The following AKAP13 variants were observed in gnomAD, a reference collection of about 807,000 sequenced individuals.
AKAP13 encodes A-kinase anchoring protein 13.
A neutral mutation model predicts 264.5 loss-of-function variants in AKAP13; 80 were observed. The observed-to-expected ratio is 0.30, with a 90% CI of 0.25 to 0.36. The LOEUF is 0.36. Among genes scored for constraint, AKAP13 ranks in the 10% least tolerant of loss-of-function variants. The pLI is 1.00. For synonymous variants in AKAP13, 1,380 were observed against 1,250.2 expected (o/e 1.10, Z -2.19); for missense variants, 3,712 against 3,435.2 (o/e 1.08, Z -2.01).
intron 1 of AKAP13, among the ~76,000 whole-genome samples, chr15:85,412,742 T>C (rs1380248598): frequency 6.6e-6 from 1 of 152,210 alleles, no homozygotes; most frequent in Non-Finnish European, 1.5e-5. Flanking sequence ...CTGATCCTCA[T>C]GAAATACTTT....
chr15:85,581,163 C>G lies in AKAP13; in HGVS notation c.3095C>G (p.Ala1032Gly). 6.2e-7 allele frequency: 1 copy of G among 1,614,166 alleles called. No homozygotes were observed. The highest frequency in any genetic ancestry group is 8.5e-7 in the Non-Finnish European group (1 of 1,180,010). ...CTGGCCACAGAGTCAAGGCAGGAAG[C>G]CTTGGGGGCAGAGCACAACAGCTCC... is the stretch of plus-strand genomic sequence containing the variant. ...ASLATESRQE[A>G]LGAEHNSSAL... Residue 1032 changes from alanine (A) to glycine (G), a missense_variant, in exon 7 of 37, where the codon GCC becomes GGC. By Grantham distance (60) the Ala-to-Gly change is moderately conservative. Transcript: ENST00000394518.
chr15:85,471,675 C>T (rs78777984), intron 1 of AKAP13, among the ~76,000 whole-genome samples: 19,575 of 152,184 alleles, frequency 0.13, 1,641 homozygotes, highest in Non-Finnish European at 0.19. Flanking sequence ...CTTTTGTAAT[C>T]GCCTCCCCCC....
chr15:85,528,703 C>G (rs545991446), intron 3 of AKAP13, among the ~76,000 whole-genome samples: 1 of 152,228 alleles, frequency 6.6e-6, no homozygotes, highest in Non-Finnish European at 1.5e-5. Flanking sequence ...CTACAGTTTA[C>G]TCAGCTGGGA....
intron 1 of AKAP13, among the ~76,000 whole-genome samples, chr15:85,400,899 T>G (rs565251435): frequency 1.3e-5 from 2 of 150,886 alleles, no homozygotes; most frequent in African/African-American, 4.9e-5. Context: ...ACAGAGTATG[T>G]TGCTCAGGCT....
intron 10 of AKAP13, among the ~76,000 whole-genome samples, chr15:85,651,862 A>G (rs778425758): frequency 2.6e-5 from 4 of 152,228 alleles, no homozygotes; most frequent in Non-Finnish European, 5.9e-5. Context: ...AGAAATACCT[A>G]GGATTCGAAT....
At position 85,727,459 on chromosome 15, in the gene AKAP13, A is replaced by G; in HGVS notation, c.7083A>G (p.Leu2361=). 2 of 1,614,090 alleles carry G rather than the reference A, an allele frequency of 1.2e-6. No individual in the cohort carries two copies. Among genetic ancestry groups the G allele is most frequent in the Non-Finnish European group, 8.5e-7 (1 of 1,179,928 alleles). Residue 2361 remains leucine, a synonymous_variant, in exon 29 of 37, where the codon TTA becomes TTG. Transcript: ENST00000394518. This position sits in a 1 kb window ranked among gnomAD's most constrained non-coding sequence, Gnocchi z 5.3. ...KKMLDTRARE[L]KEQLHQKDQK... ...TGTTGGACACCAGAGCCCGAGAATTAAAAGGTGAGGCATTGCGAGTGGTCT... is the reference window on the plus strand; with the variant it reads ...TGTTGGACACCAGAGCCCGAGAATTGAAAGGTGAGGCATTGCGAGTGGTCT...
chr15:85,589,288 A>C (rs2079489783), intron 8 of AKAP13, among the ~76,000 whole-genome samples: 1 of 152,192 alleles, frequency 6.6e-6, no homozygotes, highest in Non-Finnish European at 1.5e-5. Flanking sequence ...ATGGTCTCTT[A>C]AAACTAGTAA....
intron 13 of AKAP13, among the ~76,000 whole-genome samples, chr15:85,668,921 C>T (rs973733988): frequency 7.3e-5 from 11 of 151,022 alleles, no homozygotes; most frequent in African/African-American, 2.2e-4. Context: ...CCAGCCTGGG[C>T]GACACAGTGA....
chr15:85,459,864 A>C (rs1045186009), intron 1 of AKAP13, among the ~76,000 whole-genome samples: 3 of 152,078 alleles, frequency 2.0e-5, no homozygotes, highest in Non-Finnish European at 4.4e-5. Context: ...CTAGACTCCT[A>C]CTTAGTCTTC....
At chr15:85,546,899 A>G (rs1460205258) in intron 5 of AKAP13, among the ~76,000 whole-genome samples, 1 of 152,080 alleles carries the variant, frequency 6.6e-6, no homozygotes, top group Non-Finnish European at 1.5e-5. Flanking sequence ...ATGCGCCACC[A>G]TGTCCGGCTA....
intron 14 of AKAP13, among the ~76,000 whole-genome samples, chr15:85,673,120 T>G (rs2084010622): frequency 6.6e-6 from 1 of 152,220 alleles, no homozygotes; most frequent in Admixed American, 6.5e-5. Flanking sequence ...TCCACTGAGC[T>G]GTTGTCCAGA....
chr15:85,707,902 C>G (rs140800153), intron 17 of AKAP13, 117 bp from the exon 18 acceptor site: 121 of 945,432 alleles, frequency 1.3e-4, no homozygotes, highest in Non-Finnish European at 1.9e-4. Flanking sequence ...CAGTCACATT[C>G]TCACATGTGA....
chr15:85,659,248 C>T (rs958925649), intron 12 of AKAP13, among the ~76,000 whole-genome samples: 12 of 152,112 alleles, frequency 7.9e-5, no homozygotes, highest in Non-Finnish European at 1.3e-4. Flanking sequence ...TCAAATTTTC[C>T]GTTGGATTTT....
intron 26 of AKAP13, chr15:85,726,149 G>A: frequency 2.6e-6 from 1 of 385,840 alleles, no homozygotes; most frequent in Non-Finnish European, 4.7e-6. Context: ...TATCTTTCTA[G>A]GACTGAGTAC....
rs1189738202 is a variant in AKAP13, at chr15:85,748,622, AGT to A, written c.*3948_*3949del. ...CTGCTGGCCAGGCTTTAAAATGAAA[AGT>A]GTTTTAATGCTGCCATAAAAGGGAG... On this transcript the variant is annotated 3_prime_UTR_variant, in exon 37 of 37. Coordinates refer to ENST00000394518, the MANE Select transcript of AKAP13 (RefSeq NM_007200.5). The A allele has an allele frequency of 3.3e-5, 5 of 152,228 alleles. No individual in the cohort carries two copies. Among genetic ancestry groups the A allele is most frequent in the Non-Finnish European group, 7.3e-5 (5 of 68,048 alleles). 9.4% of individuals were successfully genotyped at this position (152,228 alleles called of 1,614,324 possible).
chr15:85,732,521 T>C (rs1282738633), intron 30 of AKAP13, among the ~76,000 whole-genome samples: 1 of 150,118 alleles, frequency 6.7e-6, no homozygotes, highest in Non-Finnish European at 1.5e-5. Context: ...ATAAAATGTG[T>C]ATATGAAAAT....
intron 11 of AKAP13, among the ~76,000 whole-genome samples, chr15:85,656,299 A>G (rs1364560103): frequency 6.6e-6 from 1 of 152,212 alleles, no homozygotes; most frequent in Non-Finnish European, 1.5e-5. Flanking sequence ...TTAACCCTCA[A>G]GAGGATATAA....
rs193132446 is a variant in AKAP13, at chr15:85,518,157, G to C, written c.34-3271G>C. 7.2e-5 allele frequency among the ~76,000 whole-genome samples: 11 copies of C among 152,096 alleles called. No homozygotes were observed. In the East Asian group the frequency reaches 1.7e-3, roughly 24 times the overall value. ...CAGCAGAATAATTTATTAATACCAG[G>C]GTATTCTTTAAGGATGGTAGGATTA... is the stretch of plus-strand genomic sequence containing the variant. On this transcript the variant is annotated intron_variant, in intron 2 of 36. Transcript: ENST00000394518.
At chr15:85,609,608 A>C (rs972616837) in intron 8 of AKAP13, among the ~76,000 whole-genome samples, 16 of 152,234 alleles carry the variant, frequency 1.1e-4, no homozygotes, top group Admixed American at 2.0e-4. Context: ...TCCTTTGGAT[A>C]TATACCCAGT....
Sources: gnomAD v4.1 joint callset for allele counts (sites outside exome capture counted in the v4.1 genomes callset) on GRCh38, gnomAD v4.1.1 for gene constraint, Gnocchi (gnomAD v3.1) non-coding constraint, MANE v1.5 for transcripts, NCBI Gene and HGNC (gene_info 2026-07-23, HGNC 2026-07-21) for gene names.